The following MICAL3 variants were observed in gnomAD, a reference collection of about 807,000 sequenced individuals.
MICAL3 encodes [F-actin]-monooxygenase MICAL3.
Under a neutral mutation model 207.4 loss-of-function variants are expected in MICAL3, and 62 were observed. The observed-to-expected ratio is 0.30, with a 90% CI of 0.24 to 0.37. MICAL3 has a LOEUF of 0.37. MICAL3 is among the 10% of genes least tolerant of loss of function. The probability of loss-of-function intolerance (pLI) is 1.00; values close to 1 mark genes in which losing one functional copy is unlikely to be tolerated. For missense variants in MICAL3, 2,368 were observed against 2,635.6 expected (o/e 0.90, Z 2.22); for synonymous variants, 1,077 against 1,069.3 (o/e 1.01, Z -0.14).
At chr22:17,808,469 C>G (rs1163941016) in intron 29 of MICAL3, among the ~76,000 whole-genome samples, 2 of 152,284 alleles carry the variant, frequency 1.3e-5, no homozygotes, top group Non-Finnish European at 2.9e-5. Flanking sequence ...AGGCTGGGGA[C>G]CTGCTCAGTG....
chr22:17,834,855 A>G (rs405490), intron 20 of MICAL3, among the ~76,000 whole-genome samples: 44,121 of 152,240 alleles, frequency 0.29, 6,498 homozygotes, highest in African/African-American at 0.32. Flanking sequence ...GTCATTTAAC[A>G]CTGTTTGAAC....
At chr22:17,827,565 G>C in intron 22 of MICAL3, 79 bp downstream of exon 22, 1 of 1,459,072 alleles carries the variant, frequency 6.9e-7, no homozygotes, top group Non-Finnish European at 9.1e-7. Flanking sequence ...TGCCCTGACA[G>C]AAAGGCCCCC....
rs77737367 is a variant in MICAL3, at chr22:17,917,809, C to A, written c.-74-10923G>T. On this transcript the variant is annotated intron_variant, in intron 1 of 31. Transcript: ENST00000441493. ...ATCAGAGAGAGCTCTGCTGACCACA[C>A]CCAGGGAAGAAGGCCCCGCCCCTGC... is the stretch of plus-strand genomic sequence containing the variant. Among the ~76,000 whole-genome samples the A allele has an allele frequency of 9.4e-3, 1,439 of 152,360 alleles. 12 individuals are homozygous for A. The highest frequency in any genetic ancestry group is 0.016 in the Non-Finnish European group (1,084 of 68,038).
In MICAL3 at chr22:17,818,730, G is replaced by A; in HGVS notation, c.3931C>T (p.Pro1311Ser). The A allele has an allele frequency of 1.2e-6, 2 of 1,610,236 alleles. No individual in the cohort carries two copies. The highest frequency in any genetic ancestry group is 1.1e-5 in the South Asian group (1 of 90,736). The change falls in exon 26 of 32, where the codon CCC (proline) becomes TCC (serine). Residue 1311 changes from proline to serine, a missense_variant. Pro to Ser is a moderately conservative substitution (Grantham distance 74, BLOSUM62 -1). Around this residue, in one of 4 missense-constraint regions of MICAL3, gnomAD observed 1,770 missense variants for 1,863.2 expected, o/e 0.95. Transcript: ENST00000441493. Reference sequence around the variant, plus strand: ...CTGAGGGCCTCATCCACAGCAAGGGGGCTGCCCAGTCTGTCCTTGGTGTCA... The same window carrying A: ...CTGAGGGCCTCATCCACAGCAAGGGAGCTGCCCAGTCTGTCCTTGGTGTCA... Reference protein sequence around the residue: ...QSDTKDRLGSPLAVDEALRRS... With the variant: ...QSDTKDRLGSSLAVDEALRRS...
intron 5 of MICAL3, 21 bp downstream of exon 5, chr22:17,901,857 C>G (rs1278440699): frequency 4.4e-6 from 7 of 1,587,354 alleles, no homozygotes; most frequent in Non-Finnish European, 3.5e-6. Flanking sequence ...ATGAGCCAGG[C>G]AGAGGAGCAC....
chr22:18,018,344 T>C (rs944058854), intron 1 of MICAL3, among the ~76,000 whole-genome samples: 2 of 152,220 alleles, frequency 1.3e-5, no homozygotes, highest in Admixed American at 6.5e-5. Flanking sequence ...CGGTATTTGC[T>C]CAAGGTAACG....
At chr22:17,881,280 C>A in intron 16 of MICAL3, 1 of 1,609,638 alleles carries the variant, frequency 6.2e-7, no homozygotes, top group Non-Finnish European at 8.5e-7. Context: ...TGGGGCAGGT[C>A]CGAGAACACT....
intron 1 of MICAL3, among the ~76,000 whole-genome samples, chr22:17,991,118 C>T (rs1229405938): frequency 6.6e-6 from 1 of 152,254 alleles, no homozygotes; most frequent in East Asian, 1.9e-4. Flanking sequence ...CAGCCAGGCC[C>T]TGCCAGGACG....
At chr22:17,952,673 G>A (rs1310553068) in intron 1 of MICAL3, among the ~76,000 whole-genome samples, 1 of 152,180 alleles carries the variant, frequency 6.6e-6, no homozygotes, top group African/African-American at 2.4e-5. Flanking sequence ...TGCCAAGGCA[G>A]GGGGTGGAGA....
intron 16 of MICAL3, among the ~76,000 whole-genome samples, chr22:17,879,909 A>T (rs958825175): frequency 6.6e-6 from 1 of 152,134 alleles, no homozygotes; most frequent in Non-Finnish European, 1.5e-5. Context: ...CTAAAGGGAG[A>T]AGTGAATGTG....
chr22:17,939,443 T>C (rs534416898), intron 1 of MICAL3, among the ~76,000 whole-genome samples: 1 of 152,284 alleles, frequency 6.6e-6, no homozygotes, highest in African/African-American at 2.4e-5. Context: ...CCTCCTGCCC[T>C]CTCACAAAGG....
chr22:17,820,764 T>A (rs1293591363), intron 25 of MICAL3, among the ~76,000 whole-genome samples: 2 of 151,014 alleles, frequency 1.3e-5, no homozygotes, highest in Non-Finnish European at 3.0e-5. Flanking sequence ...TTTAAACAAA[T>A]TTATTTTTAA....
intron 16 of MICAL3, chr22:17,881,164 GCAGA>G: frequency 3.3e-6 from 5 of 1,514,032 alleles, no homozygotes; most frequent in Admixed American, 1.7e-5. Flanking sequence ...AGACAGGCAG[GCAGA>G]CAGAGACAGG....
chr22:17,945,926 C>T (rs1030280628), intron 1 of MICAL3, among the ~76,000 whole-genome samples: 3 of 152,162 alleles, frequency 2.0e-5, no homozygotes, highest in African/African-American at 7.2e-5. Flanking sequence ...AAGGGCCCAG[C>T]TGCTCTCTCA....
Position 17,790,333 on chromosome 22 carries a change from T to A in MICAL3, c.*399A>T, listed in dbSNP as rs1383018914. The A allele has an allele frequency of 5.4e-6, 1 of 184,476 alleles. No homozygotes were observed. Among genetic ancestry groups the A allele is most frequent in the African/African-American group, 2.3e-5 (1 of 42,608 alleles). 11.4% of individuals were successfully genotyped at this position (184,476 alleles called of 1,614,324 possible). ...TTCTTTGGTGGTGCTCCAGGGAGCA[T>A]GAAGAAGACAGTGCCCCTCGCACGG... On this transcript the variant is annotated 3_prime_UTR_variant, in exon 32 of 32. Coordinates refer to ENST00000441493, the MANE Select transcript of MICAL3 (RefSeq NM_015241.3).
At chr22:17,973,022 G>A (rs1330837931) in intron 1 of MICAL3, among the ~76,000 whole-genome samples, 3 of 152,360 alleles carry the variant, frequency 2.0e-5, no homozygotes, top group Non-Finnish European at 2.9e-5. Context: ...GGCTACAAGG[G>A]GCCCTCAGCC....
At chr22:17,884,725 A>G (rs1929727066) in intron 16 of MICAL3, among the ~76,000 whole-genome samples, 1 of 152,236 alleles carries the variant, frequency 6.6e-6, no homozygotes, top group South Asian at 2.1e-4. Context: ...TCTAACGGAC[A>G]GCATTCCAGC....
chr22:17,935,178 A>G (rs1053127714), intron 1 of MICAL3, among the ~76,000 whole-genome samples: 46 of 152,340 alleles, frequency 3.0e-4, no homozygotes, highest in African/African-American at 1.1e-3. Flanking sequence ...ACTTCAAACT[A>G]TACTACAAGG....
At chr22:17,901,830 T>C (rs1033496060) in intron 5 of MICAL3, 48 bp downstream of exon 5, 1 of 1,433,358 alleles carries the variant, frequency 7.0e-7, no homozygotes, top group Non-Finnish European at 9.8e-7. Context: ...TAGGATAGCA[T>C]CAGCTTTCCC....
Sources: allele counts gnomAD v4.1 joint callset (sites outside exome capture counted in the v4.1 genomes callset), GRCh38; gene constraint gnomAD v4.1.1; regional missense constraint gnomAD v4.1.1; transcripts MANE v1.5; gene names NCBI Gene and HGNC (gene_info 2026-07-23, HGNC 2026-07-21).